The following PEX10 variants were observed in gnomAD, a reference collection of about 807,000 sequenced individuals.
PEX10 encodes peroxisome biogenesis factor 10.
In PEX10, 32 loss-of-function variants were observed where a neutral mutation model predicts 38.0. The observed-to-expected ratio is 0.84, with a 90% CI of 0.63 to 1.13. The LOEUF (loss-of-function observed/expected upper bound fraction) is 1.13. PEX10 is among the 50% of genes most tolerant of loss of function. The probability of loss-of-function intolerance (pLI) is 0.00; values close to 1 mark genes in which losing one functional copy is unlikely to be tolerated. For synonymous variants in PEX10, 206 were observed against 207.3 expected (o/e 0.99, Z 0.05); for missense variants, 483 against 457.7 (o/e 1.06, Z -0.51).
rs1209998021 is a variant in PEX10, at chr1:2,405,331, C to T, written c.*435G>A. ...CTGGCTGAAGCAACCCGCCAGCCTC[C>T]GTGCCCCACCCCACCCAGCACGCAC... On this transcript the variant is annotated 3_prime_UTR_variant, in exon 6 of 6. Transcript: ENST00000447513. The T allele has an allele frequency of 1.2e-5, 4 of 333,048 alleles. No homozygotes were observed. The highest frequency in any genetic ancestry group is 4.8e-5 in the South Asian group (2 of 41,478). 20.6% of individuals were successfully genotyped at this position (333,048 alleles called of 1,614,324 possible). A position where few individuals can be genotyped will look rare whatever the true frequency, so the allele number is the denominator to read the frequency against.
intron 1 of PEX10, among the ~76,000 whole-genome samples, chr1:2,411,048 C>T (rs935761263): frequency 2.6e-5 from 4 of 152,128 alleles, no homozygotes; most frequent in East Asian, 1.9e-4. Flanking sequence ...ATGGGCCTCC[C>T]GGCACGGAGC....
chr1:2,408,583 T>C lies in PEX10; in HGVS notation c.469A>G (p.Arg157Gly). ...HHTATLTEQQRRALLRAVFVL... is the reference protein window; with the variant it reads ...HHTATLTEQQGRALLRAVFVL... ...AAGACCGCCCGCAGCAGCGCCCTCCTCTGCTGCTCAGTCAGGGTGGCCGTG... is the reference window on the plus strand; with the variant it reads ...AAGACCGCCCGCAGCAGCGCCCTCCCCTGCTGCTCAGTCAGGGTGGCCGTG... The change falls in exon 3 of 6, where the codon AGG becomes GGG. Residue 157 changes from arginine (R) to glycine (G), a missense_variant. Transcript: ENST00000447513. The C allele has an allele frequency of 6.2e-7, 1 of 1,612,012 alleles. No homozygotes were observed.
rs1485100125 is a variant in PEX10, at chr1:2,406,651, G to C, written c.777-32C>G. 5 of 1,612,630 alleles carry C rather than the reference G, an allele frequency of 3.1e-6. No homozygotes were observed. The Admixed American group carries it at 8.3e-5, about 27-fold the overall frequency. ...AAGGTGGGGCAGAGCGTCAAGGTGGGTGCACCTTACAGGTCCTTGTGAAGT... is the reference window on the plus strand; with the variant it reads ...AAGGTGGGGCAGAGCGTCAAGGTGGCTGCACCTTACAGGTCCTTGTGAAGT... On this transcript the variant is annotated intron_variant, in intron 4 of 5. Transcript: ENST00000447513.
Position 2,405,574 on chromosome 1 carries a change from C to T in PEX10, c.*192G>A. On this transcript the variant is annotated 3_prime_UTR_variant, in exon 6 of 6. Transcript: ENST00000447513. ...GGGAAATGTTCTGGGTTCAGGCGCC[C>T]CTCCCAGGGCTGAGAAAGCGCAGCC... 1 of 696,418 alleles carries T rather than the reference C, an allele frequency of 1.4e-6. No individual in the cohort carries two copies. Among genetic ancestry groups the T allele is most frequent in the Admixed American group, 2.0e-5 (1 of 49,356 alleles). 43.1% of individuals were successfully genotyped at this position (696,418 alleles called of 1,614,324 possible). A position where few individuals can be genotyped will look rare whatever the true frequency, so the allele number is the denominator to read the frequency against.
rs1642980853 is a variant in PEX10, at chr1:2,405,843, A to G, written c.913-9T>C. The G allele has an allele frequency of 1.3e-6, 2 of 1,584,944 alleles. No individual in the cohort carries two copies. The highest frequency in any genetic ancestry group is 1.7e-6 in the Non-Finnish European group (2 of 1,166,628). Reference sequence around the variant, plus strand: ...CAGAGGGGACACTCCGCCTGCGGAGAGGAGAAAGGGGGTCACAGCAGCTGG... The same window carrying G: ...CAGAGGGGACACTCCGCCTGCGGAGGGGAGAAAGGGGGTCACAGCAGCTGG... On this transcript the variant is annotated splice_polypyrimidine_tract_variant and intron_variant, in intron 5 of 5. Coordinates refer to ENST00000447513, the MANE Select transcript of PEX10 (RefSeq NM_002617.4).
At chr1:2,406,420 G>C in intron 5 of PEX10, 64 bp downstream of exon 5, 3 of 1,596,604 alleles carry the variant, frequency 1.9e-6, no homozygotes. Flanking sequence ...TTCTGCTGCA[G>C]CCAGGTGCAT....
intron 3 of PEX10, 100 bp from the exon 4 acceptor site, chr1:2,406,995 G>C: frequency 1.3e-6 from 2 of 1,493,356 alleles, no homozygotes; most frequent in Non-Finnish European, 1.8e-6. Context: ...GAGCACGTTA[G>C]AACCAGGCCT....
Position 2,406,608 on chromosome 1 carries a change from T to C in PEX10, c.788A>G (p.Glu263Gly). 1 of 1,613,286 alleles carries C rather than the reference T, an allele frequency of 6.2e-7. No individual in the cohort carries two copies. The highest frequency in any genetic ancestry group is 8.5e-7 in the Non-Finnish European group (1 of 1,179,858). Residue 263 changes from glutamate (E) to glycine (G), a missense_variant, in exon 5 of 6, where the codon GAG becomes GGG. By Grantham distance (98) the Glu-to-Gly change is moderately conservative. Coordinates refer to ENST00000447513, the MANE Select transcript of PEX10 (RefSeq NM_002617.4). ...GGGGTTTCTGGAAACGGCTCTCTCC[T>C]CCAAGGAGGCCCTGGGGAAGGTGGG... ...RGLSHRRASL[E>G]ERAVSRNPLC...
intron 5 of PEX10, 107 bp downstream of exon 5, chr1:2,406,377 A>G (rs1209790753): frequency 1.3e-6 from 2 of 1,483,204 alleles, no homozygotes; most frequent in African/African-American, 2.8e-5. Flanking sequence ...TGTACCCTCA[A>G]AACTGGAGGG....
chr1:2,406,962 G>C, intron 3 of PEX10, 67 bp from the exon 4 acceptor site: 2 of 1,563,712 alleles, frequency 1.3e-6, no homozygotes, highest in Admixed American at 3.8e-5. Context: ...CCTGCTGGGA[G>C]GGTCACACGT....
chr1:2,410,036 C>T lies in PEX10; in HGVS notation c.193+335G>A, dbSNP rs1442993812. On this transcript the variant is annotated intron_variant, in intron 2 of 5. Transcript: ENST00000447513. This position sits in a 1 kb window ranked among gnomAD's most constrained non-coding sequence, Gnocchi z 5.1. ...CAGACCCACCACTGCTCCACCAGGG[C>T]ACTGTCACACGGGCACTGCACCCTA... 1.1e-5 allele frequency: 4 copies of T among 361,570 alleles called. No homozygotes were observed. Among genetic ancestry groups the T allele is most frequent in the Non-Finnish European group, 2.1e-5 (4 of 186,318 alleles). 22.4% of individuals were successfully genotyped at this position (361,570 alleles called of 1,614,324 possible).
intron 1 of PEX10, among the ~76,000 whole-genome samples, chr1:2,412,101 C>G (rs1042221698): frequency 1.3e-5 from 2 of 152,376 alleles, no homozygotes; most frequent in Non-Finnish European, 2.9e-5. Flanking sequence ...CTGGCGTCAG[C>G]TGGACCTGCC....
At chr1:2,407,849 G>C (rs1643060587) in intron 3 of PEX10, among the ~76,000 whole-genome samples, 1 of 152,174 alleles carries the variant, frequency 6.6e-6, no homozygotes, top group Non-Finnish European at 1.5e-5. Flanking sequence ...GTGGGCCAGG[G>C]ACTAACGCTG....
intron 3 of PEX10, among the ~76,000 whole-genome samples, chr1:2,407,489 A>G (rs1046278916): frequency 5.9e-5 from 9 of 152,202 alleles, no homozygotes; most frequent in Non-Finnish European, 1.0e-4. Context: ...CACCGCCAGC[A>G]TGGGCCCTGG....
Position 2,410,352 on chromosome 1 carries a change from G to A in PEX10, c.193+19C>T. On this transcript the variant is annotated intron_variant, in intron 2 of 5. Coordinates refer to ENST00000447513, the MANE Select transcript of PEX10 (RefSeq NM_002617.4). This position sits in a 1 kb window ranked among gnomAD's most constrained non-coding sequence, Gnocchi z 5.1. ...GTGTGTGGCTGCCCTCAGTCCTGAG[G>A]TCCCGTGGGAGCTTCTACCTGCAAG... 6.2e-7 allele frequency: 1 copy of A among 1,608,588 alleles called. No homozygotes were observed. Among genetic ancestry groups the A allele is most frequent in the Non-Finnish European group, 8.5e-7 (1 of 1,174,996 alleles).
chr1:2,409,199 C>T lies in PEX10; in HGVS notation c.194-341G>A, dbSNP rs1035739766. 9.9e-5 allele frequency among the ~76,000 whole-genome samples: 15 copies of T among 152,086 alleles called. No individual in the cohort carries two copies. Among genetic ancestry groups the T allele is most frequent in the Non-Finnish European group, 2.2e-4 (15 of 68,000 alleles). On this transcript the variant is annotated intron_variant, in intron 2 of 5. Coordinates refer to ENST00000447513, the MANE Select transcript of PEX10 (RefSeq NM_002617.4). This position sits in a 1 kb window ranked among gnomAD's most constrained non-coding sequence, Gnocchi z 6.2. ...CGCCACCTCCCCCAGCCCAAGCACT[C>T]GGATCCAGTCCCATGGCTCTCCACC...
Position 2,406,561 on chromosome 1 carries a change from C to A in PEX10, c.835G>T (p.Glu279Ter), listed in dbSNP as rs62641225. ...RNPLCTLCLEERRHPTATPCG... is the reference protein window; with the variant it reads ...RNPLCTLCLE Reference sequence around the variant, plus strand: ...GGCGTGGCTGTTGGGTGCCTGCGCTCCTCCAGGCACAGGGTGCACAGGGGG... The same window carrying A: ...GGCGTGGCTGTTGGGTGCCTGCGCTACTCCAGGCACAGGGTGCACAGGGGG... Residue 279 changes from glutamate (E) to a stop codon, truncating the protein, a stop_gained, in exon 5 of 6, where the codon GAG (glutamate) becomes TAG (stop). Transcript: ENST00000447513. LOFTEE classifies it high-confidence loss of function. 1.9e-6 allele frequency: 3 copies of A among 1,613,342 alleles called. No homozygotes were observed. Among genetic ancestry groups the A allele is most frequent in the Non-Finnish European group, 2.5e-6 (3 of 1,179,962 alleles).
chr1:2,406,706 G>T lies in PEX10; in HGVS notation c.776+14C>A, dbSNP rs1441111387. ...AGGACACCCCCAGCCCCCATGTGTG[G>T]CCCCCGCACGCACCTGCGGTGAGAC... On this transcript the variant is annotated intron_variant, in intron 4 of 5. Coordinates refer to ENST00000447513, the MANE Select transcript of PEX10 (RefSeq NM_002617.4). 6.2e-7 allele frequency: 1 copy of T among 1,608,656 alleles called. No individual in the cohort carries two copies. The highest frequency in any genetic ancestry group is 1.7e-5 in the Admixed American group (1 of 59,170).
At chr1:2,412,824 C>T (rs1237215912), upstream of PEX10, among the ~76,000 whole-genome samples, 1 of 152,106 alleles carries the variant, frequency 6.6e-6, no homozygotes, top group East Asian at 1.9e-4. Flanking sequence ...GATGGGCTCG[C>T]GGCCGCGTGG....
Sources: gnomAD v4.1 joint callset for allele counts (sites outside exome capture counted in the v4.1 genomes callset) on GRCh38, gnomAD v4.1.1 for gene constraint, Gnocchi (gnomAD v3.1) non-coding constraint, MANE v1.5 for transcripts, NCBI Gene and HGNC (gene_info 2026-07-23, HGNC 2026-07-21) for gene names.